KCNIP1: variants seen among roughly 807,000 people sequenced by gnomAD.
KCNIP1 encodes A-type potassium channel modulatory protein KCNIP1.
In KCNIP1, 18 loss-of-function variants were observed where a neutral mutation model predicts 33.0. The ratio of observed to expected loss-of-function variants is 0.55; its 90% confidence interval spans 0.38 to 0.81. KCNIP1 has a LOEUF of 0.81. Among genes scored for constraint, KCNIP1 ranks in the 30% least tolerant of loss-of-function variants. The pLI is 0.00. For synonymous variants in KCNIP1, 93 were observed against 98.3 expected, an observed-to-expected ratio of 0.95 and a Z score of 0.32; for missense variants, 238 against 271.6, an observed-to-expected ratio of 0.88 and a Z score of 0.87.
chr5:170,693,793 T>C (rs1204339183), intron 1 of KCNIP1, among the ~76,000 whole-genome samples: 1 of 152,172 alleles, frequency 6.6e-6, no homozygotes, highest in Admixed American at 6.5e-5. Flanking sequence ...TATCTCGGGC[T>C]TGGAGGAAGG....
rs1764373229 is a variant in KCNIP1, at chr5:170,735,906, G to A, written c.*100G>A. 3 of 1,017,834 alleles carry A rather than the reference G, an allele frequency of 2.9e-6. No homozygotes were observed. Among genetic ancestry groups the A allele is most frequent in the Admixed American group, 1.8e-5 (1 of 56,908 alleles). 63.1% of individuals were successfully genotyped at this position (1,017,834 alleles called of 1,614,324 possible). On this transcript the variant is annotated 3_prime_UTR_variant, in exon 8 of 8. Coordinates refer to ENST00000328939, the MANE Select transcript of KCNIP1 (RefSeq NM_014592.4). The stretch of plus-strand genomic sequence containing the variant: ...TTCTGATTTTACACACCAACTCTTG[G>A]GACAGAAACACCTTTTACACTTTGG...
chr5:170,672,749 G>A (rs781430912), intron 1 of KCNIP1, among the ~76,000 whole-genome samples: 5 of 152,168 alleles, frequency 3.3e-5, no homozygotes, highest in Admixed American at 6.5e-5. Flanking sequence ...GGAGGGAGGG[G>A]GGCAGAAAAT....
At chr5:170,385,388 A>G in intron 1 of KCNIP1, 1 of 1,614,032 alleles carries the variant, frequency 6.2e-7, no homozygotes, top group Non-Finnish European at 8.5e-7. Context: ...CCATGGTTAC[A>G]CCCAGGCAAA....
intron 1 of KCNIP1, among the ~76,000 whole-genome samples, chr5:170,683,797 C>G (rs1762442810): frequency 6.6e-6 from 1 of 151,144 alleles, no homozygotes; most frequent in African/African-American, 2.4e-5. Context: ...GATATCAGTT[C>G]ATTGCAACCT....
chr5:170,457,796 C>G (rs1049002217), intron 1 of KCNIP1, among the ~76,000 whole-genome samples: 6 of 152,188 alleles, frequency 3.9e-5, no homozygotes, highest in African/African-American at 1.4e-4. Flanking sequence ...CCTTAATACC[C>G]CCCAAAAAAT....
intron 1 of KCNIP1, among the ~76,000 whole-genome samples, chr5:170,444,832 G>C (rs1756075098): frequency 2.0e-5 from 3 of 151,958 alleles, no homozygotes. Context: ...TGACATTGTT[G>C]CATTACTTTG....
At chr5:170,353,842 G>A in exon 1 of KCNIP1, 1 of 1,604,280 alleles carries the variant, frequency 6.2e-7, no homozygotes, top group Non-Finnish European at 8.5e-7. Flanking sequence ...TCCCTTCTGG[G>A]TGCTGACAGC....
chr5:170,457,766 T>C (rs1756419369), intron 1 of KCNIP1, among the ~76,000 whole-genome samples: 1 of 152,052 alleles, frequency 6.6e-6, no homozygotes, highest in Non-Finnish European at 1.5e-5. Context: ...CCAACTCTAG[T>C]AATATGACAA....
At chr5:170,378,430 A>G (rs1764093684) in intron 1 of KCNIP1, 2 of 397,452 alleles carry the variant, frequency 5.0e-6, no homozygotes, top group Non-Finnish European at 8.9e-6. Flanking sequence ...GGAAACAGGT[A>G]TGAGTCAGTT....
intron 1 of KCNIP1, chr5:170,354,100 C>T (rs904247243): frequency 4.6e-5 from 39 of 844,934 alleles, no homozygotes; most frequent in East Asian, 1.1e-4. Context: ...GGCTGGGATT[C>T]GAGGTTGCTG....
chr5:170,632,538 G>C (rs535446949), intron 1 of KCNIP1, among the ~76,000 whole-genome samples: 1 of 152,232 alleles, frequency 6.6e-6, no homozygotes, highest in Non-Finnish European at 1.5e-5. Context: ...GCTCTGCTGC[G>C]TGGCCCTGGG....
intron 1 of KCNIP1, among the ~76,000 whole-genome samples, chr5:170,429,623 C>T (rs996541271): frequency 2.0e-5 from 3 of 152,158 alleles, no homozygotes; most frequent in Non-Finnish European, 2.9e-5. Flanking sequence ...CCCCCACACC[C>T]TCACCCTTCC....
At chr5:170,415,238 C>T (rs1755296656) in intron 1 of KCNIP1, among the ~76,000 whole-genome samples, 1 of 152,106 alleles carries the variant, frequency 6.6e-6, no homozygotes, top group African/African-American at 2.4e-5. Flanking sequence ...TGATTTCTTC[C>T]TGCTTTTGTG....
intron 1 of KCNIP1, among the ~76,000 whole-genome samples, chr5:170,409,245 G>A (rs1755115820): frequency 6.6e-6 from 1 of 152,162 alleles, no homozygotes; most frequent in Admixed American, 6.5e-5. Flanking sequence ...ACTTGGCTGT[G>A]TCACCACTGT....
intron 1 of KCNIP1, among the ~76,000 whole-genome samples, chr5:170,697,748 G>T (rs1218181334): frequency 6.6e-6 from 1 of 152,140 alleles, no homozygotes; most frequent in African/African-American, 2.4e-5. Context: ...AGTGCAAGAT[G>T]AATGTTTGCA....
At chr5:170,444,881 C>A (rs192495086) in intron 1 of KCNIP1, among the ~76,000 whole-genome samples, 1 of 152,190 alleles carries the variant, frequency 6.6e-6, no homozygotes, top group African/African-American at 2.4e-5. Context: ...AATAAAACCC[C>A]CTCCAGCTGC....
chr5:170,615,734 G>C (rs1313294764), intron 1 of KCNIP1, among the ~76,000 whole-genome samples: 2 of 152,134 alleles, frequency 1.3e-5, no homozygotes, highest in Non-Finnish European at 2.9e-5. Context: ...ACTGGGACCT[G>C]GAACTACTTA....
chr5:170,499,210 A>G (rs1757366195), upstream of KCNIP1, among the ~76,000 whole-genome samples: 1 of 152,158 alleles, frequency 6.6e-6, no homozygotes. Context: ...GTCTTTTAAT[A>G]CCAGATGGGG....
chr5:170,654,382 A>G (rs1332037440), intron 1 of KCNIP1, among the ~76,000 whole-genome samples: 4 of 152,214 alleles, frequency 2.6e-5, no homozygotes, highest in African/African-American at 9.6e-5. Flanking sequence ...TCATGTCCAC[A>G]AAGAGGTAAT....
Sources: gnomAD v4.1 joint callset for allele counts (sites outside exome capture counted in the v4.1 genomes callset) on GRCh38, gnomAD v4.1.1 for gene constraint, MANE v1.5 for transcripts, NCBI Gene and HGNC (gene_info 2026-07-23, HGNC 2026-07-21) for gene names.